CXADR: variants seen among roughly 807,000 people sequenced by gnomAD.
The protein encoded by CXADR is coxsackievirus and adenovirus receptor.
Under a neutral mutation model 40.3 loss-of-function variants are expected in CXADR, and 20 were observed. That is an observed-to-expected ratio of 0.50 (90% CI 0.35 to 0.72). The LOEUF is 0.72. CXADR is among the 30% of genes least tolerant of loss of function. The pLI is 0.01. For missense variants in CXADR, 332 were observed against 449.1 expected (o/e 0.74, Z 2.36); for synonymous variants, 150 against 161.3 (o/e 0.93, Z 0.53).
chr21:17,574,332 C>G (rs896810991), downstream of CXADR, among the ~76,000 whole-genome samples: 1 of 152,146 alleles, frequency 6.6e-6, no homozygotes, highest in African/African-American at 2.4e-5. Flanking sequence ...TAGGAATGCT[C>G]TATACATAGT....
chr21:17,597,418 G>A (rs918369809), downstream of CXADR, among the ~76,000 whole-genome samples: 3 of 151,518 alleles, frequency 2.0e-5, no homozygotes, highest in Non-Finnish European at 4.4e-5. Context: ...TTATGGCAAG[G>A]TTTTTAAAAA....
At chr21:17,542,146 C>A in intron 1 of CXADR, 1 of 203,792 alleles carries the variant, frequency 4.9e-6, no homozygotes, top group Non-Finnish European at 1.0e-5. Context: ...TCACTCAAAA[C>A]ATTATTAAAA....
chr21:17,570,715 A>T (rs1020632279), downstream of CXADR, among the ~76,000 whole-genome samples: 11 of 152,186 alleles, frequency 7.2e-5, no homozygotes. Context: ...AATAAAATGT[A>T]TATCAACATG....
chr21:17,541,187 A>G (rs1000432475), intron 1 of CXADR, among the ~76,000 whole-genome samples: 1 of 152,074 alleles, frequency 6.6e-6, no homozygotes, highest in Non-Finnish European at 1.5e-5. Flanking sequence ...TGTACATTCT[A>G]CGGGTTTGGA....
chr21:17,536,324 C>G (rs2123196949), intron 1 of CXADR, among the ~76,000 whole-genome samples: 1 of 152,290 alleles, frequency 6.6e-6, no homozygotes, highest in East Asian at 1.9e-4. Context: ...AAATAAGTAT[C>G]CTGTCTTTCC....
chr21:17,575,512 G>T (rs1179522672), intron 7 of CXADR, among the ~76,000 whole-genome samples: 2 of 137,786 alleles, frequency 1.5e-5, no homozygotes, highest in Non-Finnish European at 3.2e-5. Context: ...TTTTTTTGAG[G>T]CGGAGTCTCG....
At chr21:17,537,458 A>C (rs2060773348) in intron 1 of CXADR, among the ~76,000 whole-genome samples, 1 of 152,202 alleles carries the variant, frequency 6.6e-6, no homozygotes, top group African/African-American at 2.4e-5. Context: ...TTATTGTTAC[A>C]ACAAAGTGCT....
At chr21:17,536,216 A>T (rs961086101) in intron 1 of CXADR, among the ~76,000 whole-genome samples, 2 of 152,202 alleles carry the variant, frequency 1.3e-5, no homozygotes, top group African/African-American at 4.8e-5. Flanking sequence ...TATCCACAAT[A>T]AAAGTTTTTC....
the CXADR span, among the ~76,000 whole-genome samples, chr21:17,607,695 AT>A: frequency 2.6e-5 from 4 of 152,194 alleles, no homozygotes; most frequent in Non-Finnish European, 4.4e-5. Context: ...CAAAGTGTTG[AT>A]TTGTGTAGGA....
intron 1 of CXADR, among the ~76,000 whole-genome samples, chr21:17,529,997 GGAGTGTA>G (rs1426439474): frequency 6.6e-6 from 1 of 150,906 alleles, no homozygotes; most frequent in Non-Finnish European, 1.5e-5. Flanking sequence ...TGCTCATGCT[GGAGTGTA>G]GTGGCTTGAT....
intron 7 of CXADR, among the ~76,000 whole-genome samples, chr21:17,578,580 T>A (rs979454690): frequency 6.6e-6 from 1 of 152,218 alleles, no homozygotes; most frequent in African/African-American, 2.4e-5. Flanking sequence ...CTCACGCCTG[T>A]AATCCTAGCA....
At chr21:17,523,132 C>G (rs1444392269) in intron 1 of CXADR, among the ~76,000 whole-genome samples, 3 of 152,164 alleles carry the variant, frequency 2.0e-5, no homozygotes, top group East Asian at 3.9e-4. Context: ...ACCCTGTCCT[C>G]CAGGCACATC....
intron 1 of CXADR, chr21:17,530,447 G>A (rs2060658964): frequency 2.2e-6 from 1 of 455,434 alleles, no homozygotes; most frequent in Non-Finnish European, 4.4e-6. Flanking sequence ...ATTCTATTAT[G>A]TGACTGTATC....
At chr21:17,599,475 ATTTTTTTTTT>A in the CXADR span, among the ~76,000 whole-genome samples, 2 of 117,244 alleles carry the variant, frequency 1.7e-5, no homozygotes, top group East Asian at 4.9e-4. Flanking sequence ...CCACTGGCTG[ATTTTTTTTTT>A]TTTTTTTTTG....
At chr21:17,593,199 G>C (rs2061457948) in exon 8 of CXADR, 1 of 1,445,158 alleles carries the variant, frequency 6.9e-7, no homozygotes, top group East Asian at 2.6e-5. Flanking sequence ...TATAAATATG[G>C]ACTACTGAAG....
At chr21:17,575,219 C>T (rs1217657002) in intron 7 of CXADR, among the ~76,000 whole-genome samples, 1 of 152,020 alleles carries the variant, frequency 6.6e-6, no homozygotes, top group East Asian at 1.9e-4. Context: ...GGGTCTTGCT[C>T]TATTGCCCAG....
intron 1 of CXADR, among the ~76,000 whole-genome samples, chr21:17,519,946 G>T (rs573665440): frequency 6.6e-6 from 1 of 151,934 alleles, no homozygotes; most frequent in East Asian, 1.9e-4. Flanking sequence ...GTGACAGAGC[G>T]AGACTCCATC....
the CXADR span, among the ~76,000 whole-genome samples, chr21:17,606,558 A>G: frequency 1.3e-5 from 2 of 152,120 alleles, no homozygotes; most frequent in Non-Finnish European, 2.9e-5. Flanking sequence ...TCTTAGATGT[A>G]TGTGTTTTTC....
At chr21:17,577,466 A>G (rs1349938827) in intron 7 of CXADR, among the ~76,000 whole-genome samples, 1 of 151,912 alleles carries the variant, frequency 6.6e-6, no homozygotes, top group African/African-American at 2.4e-5. Flanking sequence ...TTTTAATTTT[A>G]TGTCATATGT....
Sources: gnomAD v4.1 joint callset for allele counts (sites outside exome capture counted in the v4.1 genomes callset) on GRCh38, gnomAD v4.1.1 for gene constraint, MANE v1.5 for transcripts, NCBI Gene and HGNC (gene_info 2026-07-23, HGNC 2026-07-21) for gene names.